The following ABHD12 variants were observed in gnomAD, a reference collection of about 807,000 sequenced individuals.
The protein encoded by ABHD12 is lysophosphatidylserine lipase ABHD12.
Under a neutral mutation model 58.3 loss-of-function variants are expected in ABHD12, and 43 were observed. That is an observed-to-expected ratio of 0.74 (90% CI 0.58 to 0.95). ABHD12 has a LOEUF of 0.95. Among genes scored for constraint, ABHD12 ranks in the 40% least tolerant of loss-of-function variants. The probability of loss-of-function intolerance (pLI) is 0.00; values close to 1 mark genes in which losing one functional copy is unlikely to be tolerated. For synonymous variants in ABHD12, 219 were observed against 211.2 expected (o/e 1.04, Z -0.32); for missense variants, 539 against 537.2 (o/e 1.00, Z -0.03).
At chr20:25,358,442 T>G (rs1237713560) in intron 1 of ABHD12, among the ~76,000 whole-genome samples, 3 of 152,204 alleles carry the variant, frequency 2.0e-5, no homozygotes, top group East Asian at 3.8e-4. Flanking sequence ...TTCCACCAAC[T>G]GTTGGTCTAT....
In ABHD12 at chr20:25,330,283, T is replaced by C. The variant is rs184432449; in HGVS notation, c.317-6853A>G. Among the ~76,000 whole-genome samples the C allele has an allele frequency of 5.0e-3, 765 of 152,312 alleles. 5 individuals are homozygous for C. Among genetic ancestry groups the C allele is most frequent in the African/African-American group, 0.017 (690 of 41,572 alleles). The stretch of plus-strand genomic sequence containing the variant: ...GCTTAAAAAACGGCACAACAGGAGA[T>C]TATATCCCGCACATGGCTCGGAGGG... On this transcript the variant is annotated intron_variant, in intron 2 of 12. Transcript: ENST00000339157.
At chr20:25,388,721 A>T (rs1433955815) in intron 1 of ABHD12, among the ~76,000 whole-genome samples, 1 of 151,864 alleles carries the variant, frequency 6.6e-6, no homozygotes, top group Non-Finnish European at 1.5e-5. Flanking sequence ...AATACAGTAC[A>T]TTCTTCAAGA....
intron 1 of ABHD12, among the ~76,000 whole-genome samples, chr20:25,387,900 G>A (rs1197059576): frequency 2.0e-5 from 3 of 151,972 alleles, no homozygotes; most frequent in East Asian, 3.9e-4. Flanking sequence ...AGTTAGCCAG[G>A]CACGGTGACG....
At chr20:25,384,816 C>CGA (rs2090067462) in intron 1 of ABHD12, among the ~76,000 whole-genome samples, 2 of 152,200 alleles carry the variant, frequency 1.3e-5, no homozygotes, top group Non-Finnish European at 1.5e-5. Flanking sequence ...TCTGGCCACT[C>CGA]TGGGACCACA....
At chr20:25,357,774 G>C (rs2089687908) in intron 1 of ABHD12, among the ~76,000 whole-genome samples, 1 of 152,146 alleles carries the variant, frequency 6.6e-6, no homozygotes, top group African/African-American at 2.4e-5. Flanking sequence ...ACTTTGGAAG[G>C]ACAAGGCAGG....
chr20:25,338,042 G>A (rs1169572295), intron 2 of ABHD12, among the ~76,000 whole-genome samples: 3 of 151,696 alleles, frequency 2.0e-5, no homozygotes, highest in African/African-American at 7.3e-5. Flanking sequence ...TCTTCTTACC[G>A]GCATTAAAAA....
In ABHD12 at chr20:25,361,871, C is replaced by T. The variant is rs111502313; in HGVS notation, c.192-22520G>A. On this transcript the variant is annotated intron_variant, in intron 1 of 12. Coordinates refer to ENST00000339157, the MANE Select transcript of ABHD12 (RefSeq NM_001042472.3). The stretch of plus-strand genomic sequence containing the variant: ...TCGGGAGGTTGAGGCAGGAGAAGAG[C>T]GTGAACCCAGGAGGCGGAGCTTGCA... 6.4e-3 allele frequency among the ~76,000 whole-genome samples: 968 copies of T among 152,042 alleles called. 8 individuals carry two copies. Among genetic ancestry groups the T allele is most frequent in the Non-Finnish European group, 9.9e-3 (676 of 67,978 alleles).
At chr20:25,316,943 G>A in intron 5 of ABHD12, 105 bp downstream of exon 5, 1 of 1,056,578 alleles carries the variant, frequency 9.5e-7, no homozygotes, top group Non-Finnish European at 1.5e-6. Flanking sequence ...CACACAAACA[G>A]CCCAGCAATA....
At chr20:25,345,018 C>T (rs558547632) in intron 1 of ABHD12, among the ~76,000 whole-genome samples, 2 of 151,166 alleles carry the variant, frequency 1.3e-5, no homozygotes, top group East Asian at 1.9e-4. Flanking sequence ...AATGTAAAAA[C>T]AGAAAACTAT....
At chr20:25,369,927 T>TAAAAAAAA (rs3032443) in intron 1 of ABHD12, among the ~76,000 whole-genome samples, 6 of 91,426 alleles carry the variant, frequency 6.6e-5, no homozygotes, top group African/African-American at 1.3e-4. Flanking sequence ...GTCTCTGTTA[T>TAAAAAAAA]AAAAAAAAAA....
intron 1 of ABHD12, among the ~76,000 whole-genome samples, chr20:25,388,668 CTCTT>C (rs1385868718): frequency 6.6e-6 from 1 of 152,076 alleles, no homozygotes; most frequent in East Asian, 1.9e-4. Context: ...TGGAATGTCT[CTCTT>C]TGTCCTGACA....
intron 7 of ABHD12, among the ~76,000 whole-genome samples, chr20:25,308,880 C>T (rs1236536905): frequency 6.6e-6 from 1 of 152,222 alleles, no homozygotes; most frequent in Non-Finnish European, 1.5e-5. Flanking sequence ...ACCACGCAGA[C>T]GGCCAAAGGG....
intron 1 of ABHD12, among the ~76,000 whole-genome samples, chr20:25,363,507 G>A (rs1433883900): frequency 6.6e-6 from 1 of 151,920 alleles, no homozygotes; most frequent in Non-Finnish European, 1.5e-5. Context: ...GTGAGTCACC[G>A]CACCTGGCTG....
intron 1 of ABHD12, among the ~76,000 whole-genome samples, chr20:25,386,568 TA>T (rs1486770512): frequency 1.3e-5 from 2 of 151,900 alleles, no homozygotes; most frequent in East Asian, 3.9e-4. Flanking sequence ...CCTCATGATG[TA>T]AAATTTCAAA....
intron 5 of ABHD12, 118 bp downstream of exon 5, chr20:25,316,930 A>T: frequency 1.1e-6 from 1 of 939,448 alleles, no homozygotes. Context: ...ACCCTGTCTC[A>T]CACACACAAA....
chr20:25,312,699 C>T (rs2088875244), intron 6 of ABHD12, among the ~76,000 whole-genome samples: 5 of 150,708 alleles, frequency 3.3e-5, no homozygotes, highest in Admixed American at 1.3e-4. Flanking sequence ...GTGAGGAGCG[C>T]CTCTTCCCGG....
At chr20:25,353,251 T>C (rs1401106018) in intron 1 of ABHD12, among the ~76,000 whole-genome samples, 1 of 119,170 alleles carries the variant, frequency 8.4e-6, no homozygotes, top group Non-Finnish European at 2.0e-5. Context: ...AGGTGTTTTT[T>C]TTGTTTGTTT....
chr20:25,299,440 T>C (rs1261428860), downstream of ABHD12, among the ~76,000 whole-genome samples: 1 of 151,878 alleles, frequency 6.6e-6, no homozygotes, highest in African/African-American at 2.4e-5. Context: ...TTTTAGTTTG[T>C]ATCTATCTTG....
Position 25,322,379 on chromosome 20 carries a change from A to ATTTTTTTT in ABHD12, c.422+945_422+946insAAAAAAAA, listed in dbSNP as rs1290185808. On this transcript the variant is annotated intron_variant, in intron 3 of 12. Transcript: ENST00000339157. The stretch of plus-strand genomic sequence containing the variant: ...TTGGAAAAGATATATATATATATAT[A>ATTTTTTTT]TATTTTTTTTTTTTTTTGAGACAAG... 2.0e-4 allele frequency among the ~76,000 whole-genome samples: 11 copies of ATTTTTTTT among 53,690 alleles called. 1 individual carries two copies. Among genetic ancestry groups the ATTTTTTTT allele is most frequent in the Non-Finnish European group, 3.7e-4 (10 of 27,082 alleles). The allele number at this position is 53,690 out of a possible 152,430, so 35.2% of individuals were successfully genotyped here.
Sources: gnomAD v4.1 joint callset for allele counts (sites outside exome capture counted in the v4.1 genomes callset) on GRCh38, gnomAD v4.1.1 for gene constraint, MANE v1.5 for transcripts, NCBI Gene and HGNC (gene_info 2026-07-23, HGNC 2026-07-21) for gene names.